SNTG2: variants seen among roughly 807,000 people sequenced by gnomAD.
SNTG2 encodes the protein gamma-2-syntrophin.
SNTG2 carries 74 observed loss-of-function variants against 70.9 expected under a neutral mutation model. That is an observed-to-expected ratio of 1.04 (90% confidence interval 0.86 to 1.27). SNTG2 has a LOEUF of 1.27. Ranked by LOEUF, SNTG2 falls within the 50% of genes most tolerant of loss-of-function variation. The pLI, the probability that SNTG2 is intolerant of heterozygous loss-of-function variation, is 0.00. For synonymous variants in SNTG2, 278 were observed against 273.8 expected (o/e 1.02, Z -0.15); for missense variants, 717 against 690.7 (o/e 1.04, Z -0.43).
At chr2:1,068,668 A>T (rs1262591670) in intron 1 of SNTG2, among the ~76,000 whole-genome samples, 1 of 152,256 alleles carries the variant, frequency 6.6e-6, no homozygotes, top group Non-Finnish European at 1.5e-5. Context: ...CTCTTTTGAC[A>T]GTTGCTTAAA....
chr2:1,105,780 C>T (rs1666082890), intron 4 of SNTG2, among the ~76,000 whole-genome samples: 1 of 152,142 alleles, frequency 6.6e-6, no homozygotes, highest in African/African-American at 2.4e-5. Flanking sequence ...CTTTCCAGCT[C>T]ACCTCACATC....
chr2:1,041,695 C>T (rs1426820535), intron 1 of SNTG2, among the ~76,000 whole-genome samples: 1 of 152,172 alleles, frequency 6.6e-6, no homozygotes, highest in Non-Finnish European at 1.5e-5. Context: ...GTCAAAGCTC[C>T]TTGAGGCCTC....
At chr2:1,356,174 A>G (rs945600419) in intron 16 of SNTG2, among the ~76,000 whole-genome samples, 2 of 152,258 alleles carry the variant, frequency 1.3e-5, no homozygotes, top group South Asian at 2.1e-4. Flanking sequence ...TCTGTTGTGC[A>G]GAAGCTTTTC....
At chr2:1,099,681 T>TGG in intron 4 of SNTG2, among the ~76,000 whole-genome samples, 1 of 65,360 alleles carries the variant, frequency 1.5e-5, no homozygotes, top group African/African-American at 5.4e-5. Context: ...GTGAGGGCAG[T>TGG]TGTGGTGAGG....
At chr2:1,189,528 C>T (rs892692672) in intron 8 of SNTG2, among the ~76,000 whole-genome samples, 2 of 151,640 alleles carry the variant, frequency 1.3e-5, no homozygotes, top group Non-Finnish European at 2.9e-5. Flanking sequence ...AAATGACCAA[C>T]TGAAACACAA....
chr2:1,002,243 AC>A (rs1465948499), intron 1 of SNTG2, among the ~76,000 whole-genome samples: 2 of 152,156 alleles, frequency 1.3e-5, no homozygotes, highest in Non-Finnish European at 2.9e-5. Context: ...CAAATGGAAA[AC>A]ATCCCAAAAA....
At chr2:1,259,604 A>C (rs977895693) in intron 13 of SNTG2, among the ~76,000 whole-genome samples, 163 bp downstream of exon 13, 2 of 152,198 alleles carry the variant, frequency 1.3e-5, no homozygotes, top group Non-Finnish European at 2.9e-5. Context: ...TACCTGGTAC[A>C]TGGGTTCTAG....
chr2:1,175,663 T>G (rs186788645), intron 8 of SNTG2, among the ~76,000 whole-genome samples: 1 of 152,312 alleles, frequency 6.6e-6, no homozygotes, highest in East Asian at 1.9e-4. Context: ...ATTGTACAAT[T>G]CCATTTGTCT....
chr2:1,072,349 C>CTT (rs201149926), intron 1 of SNTG2, among the ~76,000 whole-genome samples: 60 of 61,424 alleles, frequency 9.8e-4, no homozygotes, highest in Non-Finnish European at 1.4e-3. Context: ...TTTTCTTTTT[C>CTT]TTTTTTTTTT....
chr2:1,165,269 A>T (rs4132575), intron 6 of SNTG2, among the ~76,000 whole-genome samples: 5,184 of 152,230 alleles, frequency 0.034, 295 homozygotes, highest in African/African-American at 0.12. Flanking sequence ...ATTCATAGGG[A>T]TGCAGAGAGC....
intron 1 of SNTG2, among the ~76,000 whole-genome samples, chr2:1,015,555 G>A (rs6548170): frequency 0.37 from 55,545 of 152,044 alleles, 11,027 homozygotes; most frequent in Middle Eastern, 0.52. Flanking sequence ...CAGTCCAGCA[G>A]GTGGAAACCT....
chr2:1,235,171 GC>G (rs1572825505), intron 9 of SNTG2, among the ~76,000 whole-genome samples: 1 of 120,188 alleles, frequency 8.3e-6, no homozygotes, highest in Non-Finnish European at 1.8e-5. Flanking sequence ...GAGAGGGGGC[GC>G]CCCTACCCCA....
At chr2:1,042,611 A>G (rs2148060347) in intron 1 of SNTG2, among the ~76,000 whole-genome samples, 1 of 152,288 alleles carries the variant, frequency 6.6e-6, no homozygotes, top group South Asian at 2.1e-4. Flanking sequence ...TACAAATGAG[A>G]ATATCCAGTG....
intron 1 of SNTG2, among the ~76,000 whole-genome samples, chr2:997,486 CA>C: frequency 6.6e-6 from 1 of 152,208 alleles, no homozygotes; most frequent in Non-Finnish European, 1.5e-5. Flanking sequence ...AGGTTTTCAA[CA>C]GGAAAGTAGC....
intron 14 of SNTG2, among the ~76,000 whole-genome samples, chr2:1,298,376 C>T (rs981295169): frequency 1.3e-5 from 2 of 152,158 alleles, no homozygotes; most frequent in African/African-American, 4.8e-5. Context: ...TCAAGCGATC[C>T]ACCCACCTTG....
chr2:971,492 G>A (rs1432395565), intron 1 of SNTG2, among the ~76,000 whole-genome samples: 1 of 151,974 alleles, frequency 6.6e-6, no homozygotes, highest in Admixed American at 6.6e-5. Context: ...TGTGGGGTCA[G>A]TGGTAATGTC....
chr2:998,886 A>C (rs919130443), intron 1 of SNTG2, among the ~76,000 whole-genome samples: 2 of 152,130 alleles, frequency 1.3e-5, no homozygotes, highest in African/African-American at 4.8e-5. Flanking sequence ...TCATCAAGAC[A>C]AAAGCATCTG....
intron 14 of SNTG2, among the ~76,000 whole-genome samples, chr2:1,274,787 G>C (rs1299017699): frequency 3.3e-5 from 5 of 152,224 alleles, no homozygotes; most frequent in Non-Finnish European, 5.9e-5. Flanking sequence ...GATGGAAGGG[G>C]AATCGGCCTG....
Position 1,092,042 on chromosome 2 carries a change from A to G in SNTG2, c.211-6154A>G, listed in dbSNP as rs537739321. On this transcript the variant is annotated intron_variant, in intron 2 of 16. Coordinates refer to ENST00000308624, the MANE Select transcript of SNTG2 (RefSeq NM_018968.4). ...TTTGCTAAAGCAAAGGGAATGTCCA[A>G]CTCTGTGGAAGAAACAATGCCTCCT... 2.8e-4 allele frequency among the ~76,000 whole-genome samples: 43 copies of G among 152,250 alleles called. No homozygotes were observed. The South Asian group carries it at 6.0e-3, about 21-fold the overall frequency.
Sources: gnomAD v4.1 joint callset for allele counts (sites outside exome capture counted in the v4.1 genomes callset) on GRCh38, gnomAD v4.1.1 for gene constraint, MANE v1.5 for transcripts, NCBI Gene and HGNC (gene_info 2026-07-23, HGNC 2026-07-21) for gene names.